ARHGEF7: variants seen among roughly 807,000 people sequenced by gnomAD.
ARHGEF7 encodes the protein PAK-interacting exchange factor beta.
ARHGEF7 carries 33 observed loss-of-function variants against 109.8 expected under a neutral mutation model. The ratio of observed to expected loss-of-function variants is 0.30; its 90% confidence interval spans 0.23 to 0.40. The LOEUF is 0.40. Ranked by LOEUF, ARHGEF7 falls within the 10% of genes least tolerant of loss-of-function variation. ARHGEF7 has a pLI of 1.00. For synonymous variants in ARHGEF7, 458 were observed against 424.6 expected, an observed-to-expected ratio of 1.08 and a Z score of -0.97; for missense variants, 938 against 1,098.5, an observed-to-expected ratio of 0.85 and a Z score of 2.07.
intron 1 of ARHGEF7, among the ~76,000 whole-genome samples, chr13:111,149,038 C>T (rs968615590): frequency 6.6e-6 from 1 of 152,050 alleles, no homozygotes; most frequent in Non-Finnish European, 1.5e-5. Context: ...CTGGGCCATA[C>T]CTCACTCTAG....
At chr13:111,121,295 G>A (rs2067181206) in intron 1 of ARHGEF7, among the ~76,000 whole-genome samples, 2 of 152,194 alleles carry the variant, frequency 1.3e-5, no homozygotes, top group African/African-American at 4.8e-5. Context: ...CGTGTGTTCC[G>A]TGTTCCTGTA....
At chr13:111,302,497 T>C (rs902161541) in intron 21 of ARHGEF7, among the ~76,000 whole-genome samples, 2 of 152,204 alleles carry the variant, frequency 1.3e-5, no homozygotes, top group Non-Finnish European at 2.9e-5. Flanking sequence ...CAGGCTTCCA[T>C]GTTCACGCTT....
At chr13:111,205,256 T>C (rs1446295044) in intron 2 of ARHGEF7, 33 bp from the exon 3 acceptor site, 7 of 1,550,638 alleles carry the variant, frequency 4.5e-6, no homozygotes, top group South Asian at 3.5e-5. Context: ...CATAAGACTC[T>C]ACTAATTTTG....
intron 9 of ARHGEF7, among the ~76,000 whole-genome samples, chr13:111,271,693 G>GA (rs1289519469): frequency 1.3e-5 from 2 of 152,316 alleles, no homozygotes; most frequent in African/African-American, 4.8e-5. Context: ...AAGTACTCTT[G>GA]ACAGTCTCTG....
chr13:111,299,585 A>G (rs933166010), intron 19 of ARHGEF7, among the ~76,000 whole-genome samples: 16 of 151,566 alleles, frequency 1.1e-4, no homozygotes, highest in Non-Finnish European at 1.9e-4. Context: ...CTCGTGATCC[A>G]CCCGCCTCCG....
intron 2 of ARHGEF7, among the ~76,000 whole-genome samples, chr13:111,192,199 G>C (rs1249092293): frequency 6.6e-6 from 1 of 152,102 alleles, no homozygotes; most frequent in Admixed American, 6.5e-5. Context: ...TTCTCAGCGG[G>C]TGTCCAAAAT....
chr13:111,294,799 A>G, intron 19 of ARHGEF7: 1 of 985,860 alleles, frequency 1.0e-6, no homozygotes, highest in Non-Finnish European at 1.2e-6. Context: ...TAATGAAAGG[A>G]TGAAGAGTCT....
intron 19 of ARHGEF7, among the ~76,000 whole-genome samples, chr13:111,299,032 G>T (rs915417328): frequency 6.6e-6 from 1 of 152,210 alleles, no homozygotes; most frequent in African/African-American, 2.4e-5. Context: ...TTCCCAGGAC[G>T]TCATCTTATC....
rs1411106864 is a variant in ARHGEF7 at position 111,136,492 on chromosome 13, C to G, written c.166-17413C>G. 4.6e-3 allele frequency among the ~76,000 whole-genome samples: 694 copies of G among 152,342 alleles called. 5 individuals carry two copies. Among genetic ancestry groups the G allele is most frequent in the African/African-American group, 0.016 (661 of 41,574 alleles). On this transcript the variant is annotated intron_variant, in intron 1 of 21. Coordinates refer to ENST00000646102, the MANE Select transcript of ARHGEF7 (RefSeq NM_001354046.2). Reference sequence around the variant, plus strand: ...AACTGAACAACCTGCTCCTGAATGACTACTGGGTACATAACAAAATGAAGG... The same window carrying G: ...AACTGAACAACCTGCTCCTGAATGAGTACTGGGTACATAACAAAATGAAGG...
intron 5 of ARHGEF7, among the ~76,000 whole-genome samples, chr13:111,226,621 G>T (rs893600313): frequency 1.4e-4 from 21 of 152,196 alleles, no homozygotes; most frequent in African/African-American, 5.1e-4. Flanking sequence ...CCTTGAGCAT[G>T]TTACTGCTTA....
intron 9 of ARHGEF7, among the ~76,000 whole-genome samples, chr13:111,270,715 T>C (rs1326047404): frequency 6.6e-6 from 1 of 152,204 alleles, no homozygotes; most frequent in Non-Finnish European, 1.5e-5. Flanking sequence ...TTGATTCTTA[T>C]TTTGGTGGAA....
At chr13:111,265,031 C>T (rs1042122627) in intron 8 of ARHGEF7, among the ~76,000 whole-genome samples, 3 of 145,316 alleles carry the variant, frequency 2.1e-5, no homozygotes, top group South Asian at 2.1e-4. Context: ...GGCTGAGACA[C>T]GAGAATCGCT....
At chr13:111,302,931 A>G in intron 21 of ARHGEF7, 60 bp from the exon 22 acceptor site, 1 of 1,598,352 alleles carries the variant, frequency 6.3e-7, no homozygotes, top group Non-Finnish European at 8.5e-7. Context: ...ACATTTGGGG[A>G]AAGGAAGCCC....
At chr13:111,220,356 T>A (rs998270469) in intron 5 of ARHGEF7, among the ~76,000 whole-genome samples, 1 of 152,248 alleles carries the variant, frequency 6.6e-6, no homozygotes, top group African/African-American at 2.4e-5. Flanking sequence ...TGACTTTCTT[T>A]AATTCTTAAG....
intron 1 of ARHGEF7, among the ~76,000 whole-genome samples, chr13:111,134,238 T>G (rs1255190832): frequency 6.6e-6 from 1 of 152,316 alleles, no homozygotes; most frequent in Admixed American, 6.5e-5. Context: ...TTGTGAGTAG[T>G]GCCGCAGTAA....
chr13:111,186,500 C>T (rs1455853845), intron 2 of ARHGEF7, among the ~76,000 whole-genome samples: 1 of 152,132 alleles, frequency 6.6e-6, no homozygotes, highest in Non-Finnish European at 1.5e-5. Flanking sequence ...ACAAAATCTG[C>T]AGAAGCCAGG....
intron 1 of ARHGEF7, 158 bp from the exon 2 acceptor site, chr13:111,153,747 G>C: frequency 7.4e-7 from 1 of 1,343,486 alleles, no homozygotes; most frequent in Non-Finnish European, 9.5e-7. Context: ...GGCTGAGCGG[G>C]TTGGCATCTG....
chr13:111,295,077 G>A, intron 19 of ARHGEF7: 1 of 984,658 alleles, frequency 1.0e-6, no homozygotes, highest in African/African-American at 1.7e-5. Flanking sequence ...TCTGAATGTT[G>A]CATTGTATTG....
chr13:111,279,765 AT>A (rs2092686008), intron 13 of ARHGEF7, among the ~76,000 whole-genome samples: 1 of 152,238 alleles, frequency 6.6e-6, no homozygotes, highest in African/African-American at 2.4e-5. Context: ...TGTGTGCAGC[AT>A]TTAGCACAAC....
Sources: gnomAD v4.1 joint callset for allele counts (sites outside exome capture counted in the v4.1 genomes callset) on GRCh38, gnomAD v4.1.1 for gene constraint, MANE v1.5 for transcripts, NCBI Gene and HGNC (gene_info 2026-07-23, HGNC 2026-07-21) for gene names.